The following ANO2 variants were observed in gnomAD, a reference collection of about 807,000 sequenced individuals.
ANO2 encodes anoctamin 2.
A neutral mutation model predicts 124.2 loss-of-function variants in ANO2; 101 were observed. The ratio of observed to expected loss-of-function variants is 0.81; its 90% CI spans 0.69 to 0.96. ANO2 has a LOEUF of 0.96. ANO2 is among the 40% of genes least tolerant of loss of function. The probability of loss-of-function intolerance (pLI) is 0.00; values close to 1 mark genes in which losing one functional copy is unlikely to be tolerated. For missense variants in ANO2, 1,293 were observed against 1,274.5 expected, an observed-to-expected ratio of 1.01 and a Z score of -0.22; for synonymous variants, 486 against 482.5, an observed-to-expected ratio of 1.01 and a Z score of -0.09.
intron 19 of ANO2, among the ~76,000 whole-genome samples, chr12:5,606,798 G>A (rs1343395022): frequency 4.6e-5 from 7 of 151,866 alleles, no homozygotes; most frequent in Non-Finnish European, 1.0e-4. Flanking sequence ...TTGTGCACAC[G>A]CACATACAGA....
At chr12:5,886,112 T>A (rs1332271231) in intron 3 of ANO2, among the ~76,000 whole-genome samples, 1 of 152,120 alleles carries the variant, frequency 6.6e-6, no homozygotes, top group Non-Finnish European at 1.5e-5. Context: ...AATCTAAGCT[T>A]CCCAGACCAT....
At chr12:5,750,576 A>G (rs1054117528) in intron 11 of ANO2, among the ~76,000 whole-genome samples, 1 of 152,218 alleles carries the variant, frequency 6.6e-6, no homozygotes, top group Non-Finnish European at 1.5e-5. Context: ...CTGCCTGCCC[A>G]CATCAGACAC....
chr12:5,775,787 A>G (rs1442516899), intron 10 of ANO2, among the ~76,000 whole-genome samples: 1 of 152,186 alleles, frequency 6.6e-6, no homozygotes, highest in Non-Finnish European at 1.5e-5. Flanking sequence ...TCTCCATGAT[A>G]GACCTCTTTT....
At chr12:5,839,670 C>T (rs1242870553) in intron 4 of ANO2, 1 of 455,284 alleles carries the variant, frequency 2.2e-6, no homozygotes, top group African/African-American at 2.0e-5. Context: ...AGGATGATAA[C>T]AAACCCTTCC....
intron 14 of ANO2, among the ~76,000 whole-genome samples, chr12:5,669,694 T>C (rs1947897692): frequency 6.6e-6 from 1 of 152,108 alleles, no homozygotes. Context: ...GCTGGAAGTA[T>C]TGGTAATTCT....
At chr12:5,615,389 G>T in intron 16 of ANO2, 92 bp from the exon 17 acceptor site, 1 of 920,058 alleles carries the variant, frequency 1.1e-6, no homozygotes. Context: ...TCTCTCAGCT[G>T]ACTCCTTCAC....
chr12:5,634,622 A>C (rs1485924592), intron 16 of ANO2, among the ~76,000 whole-genome samples: 1 of 152,178 alleles, frequency 6.6e-6, no homozygotes, highest in Non-Finnish European at 1.5e-5. Context: ...CACTGGCTTG[A>C]AGCGTGGGAA....
intron 14 of ANO2, among the ~76,000 whole-genome samples, chr12:5,683,827 G>C (rs1948599369): frequency 6.6e-6 from 1 of 152,012 alleles, no homozygotes; most frequent in Non-Finnish European, 1.5e-5. Context: ...GAGGAGGCAG[G>C]GCAGGGCTTG....
At chr12:5,627,955 C>A (rs1050443849) in intron 16 of ANO2, among the ~76,000 whole-genome samples, 1 of 151,896 alleles carries the variant, frequency 6.6e-6, no homozygotes, top group African/African-American at 2.4e-5. Context: ...AAAAAATTAG[C>A]CAGATGCTGT....
At chr12:5,817,476 G>A (rs569190841) in intron 7 of ANO2, among the ~76,000 whole-genome samples, 6 of 152,306 alleles carry the variant, frequency 3.9e-5, no homozygotes, top group Non-Finnish European at 7.3e-5. Flanking sequence ...ACTGCCTTAG[G>A]AGTCTAAGCC....
chr12:5,658,430 T>C lies in ANO2; in HGVS notation c.1546-10629A>G, dbSNP rs1379666021. Among the ~76,000 whole-genome samples, 2 of 146,802 alleles carry C rather than the reference T, an allele frequency of 1.4e-5. No individual in the cohort carries two copies. Among genetic ancestry groups the C allele is most frequent in the African/African-American group, 5.0e-5 (2 of 40,390 alleles). On this transcript the variant is annotated intron_variant, in intron 14 of 24. Transcript: ENST00000682330. This position sits in a 1 kb window ranked among gnomAD's most constrained non-coding sequence, Gnocchi z 4.3. The stretch of plus-strand genomic sequence containing the variant: ...TGTTATCATCATCATAACCATACCA[T>C]CAAAATTAACATAATCATCAACATC...
chr12:5,640,157 C>T (rs1946260762), intron 15 of ANO2, among the ~76,000 whole-genome samples: 1 of 152,162 alleles, frequency 6.6e-6, no homozygotes, highest in African/African-American at 2.4e-5. Flanking sequence ...CATTTCTTTG[C>T]TCTCATCACC....
chr12:5,941,941 T>C (rs1942911413), intron 1 of ANO2, among the ~76,000 whole-genome samples: 1 of 152,112 alleles, frequency 6.6e-6, no homozygotes, highest in Non-Finnish European at 1.5e-5. Context: ...AAGGATGAAA[T>C]AAAGACATTT....
intron 14 of ANO2, among the ~76,000 whole-genome samples, chr12:5,685,924 G>A (rs1948685058): frequency 6.6e-6 from 1 of 152,318 alleles, no homozygotes; most frequent in South Asian, 2.1e-4. Flanking sequence ...CCCACAGAGG[G>A]CTGGCCATTT....
intron 14 of ANO2, among the ~76,000 whole-genome samples, chr12:5,702,882 T>C (rs1949463043): frequency 6.6e-6 from 1 of 152,208 alleles, no homozygotes; most frequent in Non-Finnish European, 1.5e-5. Context: ...GGTAGGGATA[T>C]AGAATAAGAA....
intron 20 of ANO2, among the ~76,000 whole-genome samples, chr12:5,582,815 T>G (rs1942827590): frequency 6.6e-6 from 1 of 152,180 alleles, no homozygotes; most frequent in Admixed American, 6.5e-5. Flanking sequence ...ATTTTCCTTT[T>G]CTTCTGGTCG....
intron 1 of ANO2, among the ~76,000 whole-genome samples, chr12:5,930,450 C>T (rs1322900033): frequency 7.9e-5 from 12 of 152,086 alleles, no homozygotes; most frequent in East Asian, 1.9e-4. Flanking sequence ...GTGGTCCAGA[C>T]GGGTAGGTGC....
intron 1 of ANO2, among the ~76,000 whole-genome samples, chr12:5,943,417 T>C (rs983410447): frequency 1.3e-5 from 2 of 152,076 alleles, no homozygotes; most frequent in Admixed American, 6.6e-5. Flanking sequence ...AATGGGTAAC[T>C]AAATATCATA....
intron 19 of ANO2, among the ~76,000 whole-genome samples, chr12:5,605,116 C>G (rs934734563): frequency 6.6e-6 from 1 of 152,064 alleles, no homozygotes; most frequent in Non-Finnish European, 1.5e-5. Context: ...AGATCTTTAG[C>G]CTCATTAAAT....
Sources: gnomAD v4.1 joint callset for allele counts (sites outside exome capture counted in the v4.1 genomes callset) on GRCh38, gnomAD v4.1.1 for gene constraint, Gnocchi (gnomAD v3.1) non-coding constraint, MANE v1.5 for transcripts, NCBI Gene and HGNC (gene_info 2026-07-23, HGNC 2026-07-21) for gene names.